TENM4: variants seen among roughly 807,000 people sequenced by gnomAD.
TENM4 encodes teneurin transmembrane protein 4, also known as teneurin-4.
In TENM4, 82 loss-of-function variants were observed where a neutral mutation model predicts 243.3. That is an observed-to-expected ratio of 0.34 (90% confidence interval 0.28 to 0.40). The LOEUF (loss-of-function observed/expected upper bound fraction) is 0.40. TENM4 is among the 10% of genes least tolerant of loss of function. TENM4 has a pLI of 1.00. For synonymous variants in TENM4, 1,412 were observed against 1,456.3 expected (o/e 0.97, Z 0.69); for missense variants, 3,138 against 3,673.3 (o/e 0.85, Z 3.77).
At position 78,657,386 on chromosome 11, in the gene TENM4, C is replaced by T. The variant is rs368216336; in HGVS notation, c.*672G>A. The T allele has an allele frequency of 2.8e-5, 11 of 396,234 alleles. No homozygotes were observed. The highest frequency in any genetic ancestry group is 1.8e-4 in the African/African-American group (9 of 48,664). The allele number at this position is 396,234 out of a possible 1,614,324, so 24.5% of individuals were successfully genotyped here. A position where few individuals can be genotyped will look rare whatever the true frequency, so the allele number is the denominator to read the frequency against. On this transcript the variant is annotated 3_prime_UTR_variant, in exon 34 of 34. Coordinates refer to ENST00000278550, the MANE Select transcript of TENM4 (RefSeq NM_001098816.3). ...TGCAAAAGTGGTAGGGGGTTTCATT[C>T]AGCATCAAAATAGAAAGCTTGAACA...
intron 19 of TENM4, among the ~76,000 whole-genome samples, chr11:78,745,220 T>C (rs1856021482): frequency 6.9e-6 from 1 of 145,966 alleles, no homozygotes; most frequent in Non-Finnish European, 1.5e-5. Context: ...TTCTTTTTTT[T>C]CTTTTTCTTT....
At chr11:78,978,517 AGAG>A (rs1267395120) in intron 6 of TENM4, among the ~76,000 whole-genome samples, 1 of 152,190 alleles carries the variant, frequency 6.6e-6, no homozygotes, top group Non-Finnish European at 1.5e-5. Context: ...TTGGTTCATA[AGAG>A]GAGAAGCAGG....
At chr11:79,207,062 T>C (rs544140590) in intron 3 of TENM4, among the ~76,000 whole-genome samples, 12 of 152,196 alleles carry the variant, frequency 7.9e-5, no homozygotes, top group Admixed American at 7.2e-4. Context: ...TGGTGACATA[T>C]GCTGGGAAGG....
At chr11:79,074,554 C>G (rs1438349501) in intron 4 of TENM4, among the ~76,000 whole-genome samples, 2 of 152,250 alleles carry the variant, frequency 1.3e-5, no homozygotes, top group Non-Finnish European at 2.9e-5. Context: ...TTGTCTCTCT[C>G]TGCTTCCTCT....
intron 18 of TENM4, among the ~76,000 whole-genome samples, chr11:78,761,302 T>C (rs562596198): frequency 2.0e-5 from 3 of 151,990 alleles, no homozygotes; most frequent in African/African-American, 4.8e-5. Context: ...TGCAGTGGCG[T>C]GATCTCGGCT....
chr11:78,943,553 A>G (rs991852215), intron 6 of TENM4, among the ~76,000 whole-genome samples: 1 of 152,204 alleles, frequency 6.6e-6, no homozygotes, highest in Non-Finnish European at 1.5e-5. Context: ...ATACACATAC[A>G]TCATTTAATT....
rs73498601 is a variant in TENM4 at position 78,858,656 on chromosome 11, A to G, written c.1256-2478T>C. On this transcript the variant is annotated intron_variant, in intron 10 of 33. Coordinates refer to ENST00000278550, the MANE Select transcript of TENM4 (RefSeq NM_001098816.3). ...CTTTTTGTCCTTAATTCTGAGCACAAAGCTGTGAGCACTAGGATATAAAAT... is the reference window on the plus strand; with the variant it reads ...CTTTTTGTCCTTAATTCTGAGCACAGAGCTGTGAGCACTAGGATATAAAAT... Among the ~76,000 whole-genome samples, 875 of 152,306 alleles carry G rather than the reference A, an allele frequency of 5.7e-3. 8 individuals carry two copies. The highest frequency in any genetic ancestry group is 0.02 in the African/African-American group (834 of 41,572).
chr11:78,901,736 T>C (rs554121615), intron 7 of TENM4, among the ~76,000 whole-genome samples: 1 of 152,242 alleles, frequency 6.6e-6, no homozygotes, highest in South Asian at 2.1e-4. Flanking sequence ...CTGGGCAGGC[T>C]GACACACAAT....
At chr11:78,750,151 A>G (rs77446379) in intron 19 of TENM4, among the ~76,000 whole-genome samples, 1,923 of 152,294 alleles carry the variant, frequency 0.013, 59 homozygotes, top group African/African-American at 0.045. Context: ...ATCCTGTTCA[A>G]CTGAAACCCA....
chr11:78,800,259 C>A (rs948596296), intron 15 of TENM4, among the ~76,000 whole-genome samples: 1 of 152,148 alleles, frequency 6.6e-6, no homozygotes, highest in Non-Finnish European at 1.5e-5. Context: ...GCTGAGTGTA[C>A]CCACTTTATG....
chr11:79,168,373 A>C (rs1862963523), intron 3 of TENM4, among the ~76,000 whole-genome samples: 1 of 152,078 alleles, frequency 6.6e-6, no homozygotes, highest in Non-Finnish European at 1.5e-5. Flanking sequence ...TGACATGGTG[A>C]TCCAGGGGTG....
chr11:78,659,551 G>T (rs1449969270), intron 33 of TENM4, among the ~76,000 whole-genome samples: 1 of 152,120 alleles, frequency 6.6e-6, no homozygotes, highest in African/African-American at 2.4e-5. Context: ...GGTGGGGGTG[G>T]TGGGATGCCG....
intron 1 of TENM4, among the ~76,000 whole-genome samples, chr11:79,410,367 G>A (rs953340341): frequency 1.3e-5 from 2 of 152,162 alleles, no homozygotes; most frequent in Admixed American, 6.5e-5. Context: ...ATCACTTTCT[G>A]AACTTACTTG....
At chr11:79,226,098 ACAGT>A (rs1193889848) in intron 2 of TENM4, among the ~76,000 whole-genome samples, 1 of 152,108 alleles carries the variant, frequency 6.6e-6, no homozygotes, top group Non-Finnish European at 1.5e-5. Context: ...TAATCTAGTA[ACAGT>A]CAGAATAAAA....
At chr11:79,317,202 C>G (rs1856816221) in intron 1 of TENM4, among the ~76,000 whole-genome samples, 1 of 152,226 alleles carries the variant, frequency 6.6e-6, no homozygotes, top group South Asian at 2.1e-4. Context: ...TTTGTTAACA[C>G]TCACACACGG....
intron 32 of TENM4, among the ~76,000 whole-genome samples, chr11:78,667,522 C>A (rs1237270442): frequency 6.6e-6 from 1 of 152,066 alleles, no homozygotes; most frequent in Non-Finnish European, 1.5e-5. Context: ...AGGAGCTGGC[C>A]TCAAATGTCA....
intron 6 of TENM4, among the ~76,000 whole-genome samples, chr11:79,036,611 G>A (rs1051163084): frequency 7.2e-5 from 11 of 152,238 alleles, no homozygotes; most frequent in African/African-American, 2.4e-4. Flanking sequence ...AAGAAGCACA[G>A]CAAGATGCAG....
intron 2 of TENM4, among the ~76,000 whole-genome samples, chr11:79,295,864 T>A (rs1856441677): frequency 2.0e-5 from 3 of 148,880 alleles, no homozygotes; most frequent in Admixed American, 2.0e-4. Context: ...AAGTGTTTTT[T>A]TTTTTTAATA....
intron 33 of TENM4, among the ~76,000 whole-genome samples, chr11:78,660,067 G>A (rs1448470146): frequency 2.0e-5 from 3 of 152,252 alleles, no homozygotes; most frequent in African/African-American, 7.2e-5. Flanking sequence ...GGCAGTCAGA[G>A]ACCGGGGCTC....
Sources: allele counts gnomAD v4.1 joint callset (sites outside exome capture counted in the v4.1 genomes callset), GRCh38; gene constraint gnomAD v4.1.1; transcripts MANE v1.5; gene names NCBI Gene and HGNC (gene_info 2026-07-23, HGNC 2026-07-21).